Variants in PCDH15 observed in about 807,000 individuals in gnomAD.
The protein encoded by PCDH15 is protocadherin-15.
PCDH15 carries 129 observed loss-of-function variants against 178.5 expected under a neutral mutation model. The observed-to-expected ratio is 0.72, with a 90% confidence interval of 0.63 to 0.84. The LOEUF is 0.84. Ranked by LOEUF, PCDH15 falls within the 40% of genes least tolerant of loss-of-function variation. The pLI is 0.00. For synonymous variants in PCDH15, 800 were observed against 732.0 expected (o/e 1.09, Z -1.50); for missense variants, 2,230 against 2,099.9 (o/e 1.06, Z -1.21).
intron 2 of PCDH15, among the ~76,000 whole-genome samples, chr10:55,532,097 A>G (rs1441987861): frequency 6.6e-6 from 1 of 152,024 alleles, no homozygotes; most frequent in Non-Finnish European, 1.5e-5. Context: ...GCTATTTATA[A>G]TTTTCTAATA....
At chr10:54,865,784 A>G (rs1339794313) in intron 3 of PCDH15, among the ~76,000 whole-genome samples, 3 of 152,200 alleles carry the variant, frequency 2.0e-5, no homozygotes, top group African/African-American at 7.2e-5. Flanking sequence ...AAAAAAAAAC[A>G]GAACACAAAG....
chr10:54,820,369 T>C (rs1460220199), intron 3 of PCDH15, among the ~76,000 whole-genome samples: 1 of 152,092 alleles, frequency 6.6e-6, no homozygotes, highest in Non-Finnish European at 1.5e-5. Context: ...TCACTCCATA[T>C]TGATGATCTC....
intron 3 of PCDH15, among the ~76,000 whole-genome samples, chr10:54,520,582 G>A (rs1168480351): frequency 6.6e-6 from 1 of 152,102 alleles, no homozygotes; most frequent in Non-Finnish European, 1.5e-5. Flanking sequence ...TGGAGAGGAT[G>A]TGGAGAAACA....
intron 2 of PCDH15, among the ~76,000 whole-genome samples, chr10:55,445,357 C>T (rs573380663): frequency 3.9e-5 from 6 of 152,162 alleles, no homozygotes; most frequent in African/African-American, 1.4e-4. Context: ...AAATACCATT[C>T]AACTCCTCTG....
intron 2 of PCDH15, among the ~76,000 whole-genome samples, chr10:54,529,880 A>G (rs2083733506): frequency 6.6e-6 from 1 of 152,044 alleles, no homozygotes; most frequent in South Asian, 2.1e-4. Flanking sequence ...CTGTATTGTA[A>G]GGTATGCACT....
chr10:54,129,969 T>C (rs1385670254), intron 15 of PCDH15, among the ~76,000 whole-genome samples: 2 of 152,016 alleles, frequency 1.3e-5, no homozygotes, highest in African/African-American at 4.8e-5. Flanking sequence ...GGTGGTGGGG[T>C]GGGCCAAATG....
intron 2 of PCDH15, chr10:55,366,052 C>T (rs1845351570): frequency 6.6e-6 from 1 of 152,132 alleles, no homozygotes; most frequent in Non-Finnish European, 1.5e-5. Context: ...TGGAGAAACT[C>T]ATCATCAGAT....
At chr10:54,408,270 T>C (rs1158075657) in intron 3 of PCDH15, among the ~76,000 whole-genome samples, 1 of 151,974 alleles carries the variant, frequency 6.6e-6, no homozygotes, top group Non-Finnish European at 1.5e-5. Context: ...CCACAACATA[T>C]AATTTCCTCT....
At chr10:54,458,920 G>GT (rs1217668715) in intron 3 of PCDH15, among the ~76,000 whole-genome samples, 1 of 152,052 alleles carries the variant, frequency 6.6e-6, no homozygotes, top group Admixed American at 6.6e-5. Flanking sequence ...AAATAATGTT[G>GT]TTTCATTCAA....
At chr10:54,582,849 C>T (rs555958554) in intron 2 of PCDH15, among the ~76,000 whole-genome samples, 5 of 152,118 alleles carry the variant, frequency 3.3e-5, no homozygotes, top group East Asian at 3.9e-4. Flanking sequence ...TATGATTTTG[C>T]CACTGCACTC....
At chr10:54,285,536 C>T (rs559310487) in intron 8 of PCDH15, among the ~76,000 whole-genome samples, 2 of 152,100 alleles carry the variant, frequency 1.3e-5, no homozygotes, top group South Asian at 4.2e-4. Context: ...CATCTCATCC[C>T]AATTCGAATA....
chr10:55,035,561 T>C (rs534923617), intron 2 of PCDH15, among the ~76,000 whole-genome samples: 11 of 152,316 alleles, frequency 7.2e-5, no homozygotes, highest in African/African-American at 2.4e-4. Context: ...TAAAGTTAAC[T>C]ATTCATGGTA....
intron 2 of PCDH15, among the ~76,000 whole-genome samples, chr10:55,447,658 A>AT (rs1839347247): frequency 6.6e-6 from 1 of 151,990 alleles, no homozygotes; most frequent in South Asian, 2.1e-4. Context: ...ATAATGCAAT[A>AT]TTTTTCTAAC....
chr10:55,128,438 G>A (rs1837959017), intron 2 of PCDH15, among the ~76,000 whole-genome samples: 1 of 151,824 alleles, frequency 6.6e-6, no homozygotes, highest in African/African-American at 2.4e-5. Context: ...TAATTCTTAG[G>A]CTCCCTACTT....
intron 2 of PCDH15, among the ~76,000 whole-genome samples, chr10:55,536,586 C>T (rs1330054112): frequency 1.3e-5 from 2 of 152,056 alleles, no homozygotes; most frequent in Non-Finnish European, 2.9e-5. Context: ...CGCATACAAG[C>T]ATTTGGAAAA....
chr10:54,434,730 G>T (rs1448908008), intron 3 of PCDH15, among the ~76,000 whole-genome samples: 3 of 152,160 alleles, frequency 2.0e-5, no homozygotes, highest in Non-Finnish European at 2.9e-5. Context: ...TCCAAAATGA[G>T]CCTTGTGACA....
At chr10:54,452,673 C>G (rs993665357) in intron 3 of PCDH15, among the ~76,000 whole-genome samples, 1 of 151,964 alleles carries the variant, frequency 6.6e-6, no homozygotes, top group African/African-American at 2.4e-5. Context: ...ATCCTTCAAA[C>G]ACTTCTTGGA....
chr10:54,285,043 C>T lies in PCDH15; in HGVS notation c.876+32228G>A, dbSNP rs1353974270. ...AAGAAATTGTTTCCAAGAAACTTAA[C>T]TCAATAAAATTTAAACCATAAATAT... On this transcript the variant is annotated intron_variant, in intron 8 of 37. Coordinates refer to ENST00000644397, the MANE Select transcript of PCDH15 (RefSeq NM_001384140.1). 2.0e-5 allele frequency among the ~76,000 whole-genome samples: 3 copies of T among 152,022 alleles called. No homozygotes were observed. In the East Asian group the frequency reaches 5.8e-4, roughly 29 times the overall value.
intron 2 of PCDH15, among the ~76,000 whole-genome samples, chr10:55,100,569 G>A (rs1842553087): frequency 6.6e-6 from 1 of 152,118 alleles, no homozygotes; most frequent in South Asian, 2.1e-4. Context: ...ACTCATGTTG[G>A]AAGGGGAAGG....
Sources: allele counts gnomAD v4.1 joint callset (sites outside exome capture counted in the v4.1 genomes callset), GRCh38; gene constraint gnomAD v4.1.1; transcripts MANE v1.5; gene names NCBI Gene and HGNC (gene_info 2026-07-23, HGNC 2026-07-21).